The following HRH3 variants were observed in gnomAD, a reference collection of about 807,000 sequenced individuals.
HRH3 encodes histamine receptor H3.
HRH3 carries 13 observed loss-of-function variants against 21.6 expected under a neutral mutation model. The ratio of observed to expected loss-of-function variants is 0.60; its 90% CI spans 0.39 to 0.96. The LOEUF is 0.96. Ranked by LOEUF, HRH3 falls within the 40% of genes least tolerant of loss-of-function variation. The pLI, the probability that HRH3 is intolerant of heterozygous loss-of-function variation, is 0.00. For missense variants in HRH3, 461 were observed against 622.7 expected (o/e 0.74, Z 2.76); for synonymous variants, 276 against 290.3 (o/e 0.95, Z 0.50).
In HRH3 at chr20:62,215,897, C is replaced by A. The variant is rs1019147969; in HGVS notation, c.*109G>T. 13 of 1,101,194 alleles carry A rather than the reference C, an allele frequency of 1.2e-5. No individual in the cohort carries two copies. In the South Asian group the frequency reaches 1.6e-4, roughly 14 times the overall value. 68.2% of individuals were successfully genotyped at this position (1,101,194 alleles called of 1,614,324 possible). ...TGGCATTAAGAGAGGGCCACAGACA[C>A]GGCGGGGCTCACCCCTGGGGGAACG... On this transcript the variant is annotated 3_prime_UTR_variant, in exon 3 of 3. Coordinates refer to ENST00000340177, the MANE Select transcript of HRH3 (RefSeq NM_007232.3).
Position 62,218,715 on chromosome 20 carries a change from C to A in HRH3, c.251-58G>T. 1 of 1,556,178 alleles carries A rather than the reference C, an allele frequency of 6.4e-7. No homozygotes were observed. The highest frequency in any genetic ancestry group is 8.8e-7 in the Non-Finnish European group (1 of 1,140,404). On this transcript the variant is annotated intron_variant, in intron 1 of 2. Transcript: ENST00000340177. The surrounding 1 kb of genome is among the most constrained non-coding windows in gnomAD (Gnocchi z 5.6). Reference sequence around the variant, plus strand: ...AGCCAGGGGCCAGGGGACAGACGGACCTAAGCGCAGACACCGGCGGGACCT... The same window carrying A: ...AGCCAGGGGCCAGGGGACAGACGGAACTAAGCGCAGACACCGGCGGGACCT...
At position 62,216,424 on chromosome 20, in the gene HRH3, G is replaced by C; in HGVS notation, c.920C>G (p.Ser307Cys). The change falls in exon 3 of 3, where the codon TCC becomes TGC. Residue 307 changes from serine to cysteine, a missense_variant. Transcript: ENST00000340177. ...GGSVASPTSS[S>C]GSSSRGTERP... ...CTCAGTGCCCCTCGAGGAGCTGCCG[G>C]AGCTGGAGGTGGGTGAAGCCACGGA... 1 of 1,538,094 alleles carries C rather than the reference G, an allele frequency of 6.5e-7. No individual in the cohort carries two copies. The highest frequency in any genetic ancestry group is 8.8e-7 in the Non-Finnish European group (1 of 1,138,096).
Position 62,219,587 on chromosome 20 carries a change from C to T in HRH3, c.250+134G>A, listed in dbSNP as rs888466214. The T allele has an allele frequency of 1.6e-5, 18 of 1,147,572 alleles. No homozygotes were observed. Among genetic ancestry groups the T allele is most frequent in the Admixed American group, 6.3e-5 (2 of 31,796 alleles). 71.1% of individuals were successfully genotyped at this position (1,147,572 alleles called of 1,614,324 possible). A position where few individuals can be genotyped will look rare whatever the true frequency, so the allele number is the denominator to read the frequency against. On this transcript the variant is annotated intron_variant, in intron 1 of 2. Transcript: ENST00000340177. The surrounding 1 kb of genome is among the most constrained non-coding windows in gnomAD (Gnocchi z 8.7). ...TGCCCCCCACCCCATGGGCTCCGGA[C>T]GCCCCCTTCCCAGGCCGGGTCCCCT... is the stretch of plus-strand genomic sequence containing the variant.
rs768042321 is a variant in HRH3, at chr20:62,216,702, G to A, written c.642C>T (p.Val214=). The change falls in exon 3 of 3, where the codon GTC becomes GTT. Residue 214 remains valine, a synonymous_variant. Transcript: ENST00000340177. ...GGTAGATGCTGAGGTTAAAGAAGGT[G>A]ACGCTGAGGAAGGGCGTAAAGAACT... ...TLEFFTPFLS[V]TFFNLSIYLN... The A allele has an allele frequency of 1.9e-6, 3 of 1,613,160 alleles. No homozygotes were observed. Among genetic ancestry groups the A allele is most frequent in the Non-Finnish European group, 2.5e-6 (3 of 1,180,008 alleles).
At position 62,216,906 on chromosome 20, in the gene HRH3, C is replaced by T. The variant is rs2145888094; in HGVS notation, c.438G>A (p.Gln146=). The T allele has an allele frequency of 6.2e-7, 1 of 1,605,298 alleles. No homozygotes were observed. Among genetic ancestry groups the T allele is most frequent in the Admixed American group, 1.7e-5 (1 of 59,796 alleles). Residue 146 remains glutamine (Q), a synonymous_variant, in exon 3 of 3, where the codon CAG becomes CAA. Coordinates refer to ENST00000340177, the MANE Select transcript of HRH3 (RefSeq NM_007232.3). The part of the protein sequence containing the change: ...VTRAVSYRAQ[Q]GDTRRAVRKM... ...TCCGCACTGCCCGCCGCGTGTCACC[C>T]TGCTGGGCCCGGTATGAGACCTGCA...
chr20:62,217,999 G>A (rs142143637), intron 2 of HRH3, among the ~76,000 whole-genome samples: 7 of 152,322 alleles, frequency 4.6e-5, no homozygotes, highest in Non-Finnish European at 7.4e-5. Flanking sequence ...CTTCAGCAGC[G>A]GCTCCCTGGG....
Position 62,219,267 on chromosome 20 carries a change from G to C in HRH3, c.250+454C>G, listed in dbSNP as rs1161893881. ...CCGGCAGCAGAGCCTGGACACGTGA[G>C]AGCACGCTCCTCCGAGCGTCTCCCC... On this transcript the variant is annotated intron_variant, in intron 1 of 2. Coordinates refer to ENST00000340177, the MANE Select transcript of HRH3 (RefSeq NM_007232.3). The surrounding 1 kb of genome is among the most constrained non-coding windows in gnomAD (Gnocchi z 8.7). 6.8e-6 allele frequency among the ~76,000 whole-genome samples: 1 copy of C among 147,456 alleles called. No individual in the cohort carries two copies. Among genetic ancestry groups the C allele is most frequent in the East Asian group, 2.0e-4 (1 of 4,922 alleles).
In HRH3 at chr20:62,215,611, G is replaced by T; in HGVS notation, c.*395C>A. The T allele has an allele frequency of 2.6e-6, 1 of 385,914 alleles. No homozygotes were observed. Among genetic ancestry groups the T allele is most frequent in the Non-Finnish European group, 5.1e-6 (1 of 196,918 alleles). 23.9% of individuals were successfully genotyped at this position (385,914 alleles called of 1,614,324 possible). On this transcript the variant is annotated 3_prime_UTR_variant, in exon 3 of 3. Coordinates refer to ENST00000340177, the MANE Select transcript of HRH3 (RefSeq NM_007232.3). ...GTGCAGGTGTGTGCAGGGGTGTGCA[G>T]GTGTGTGCACGTGCAGAGGCAAACT... is the stretch of plus-strand genomic sequence containing the variant.
chr20:62,219,631 G>A lies in HRH3; in HGVS notation c.250+90C>T, dbSNP rs1978727172. On this transcript the variant is annotated intron_variant, in intron 1 of 2. Coordinates refer to ENST00000340177, the MANE Select transcript of HRH3 (RefSeq NM_007232.3). This position sits in a 1 kb window ranked among gnomAD's most constrained non-coding sequence, Gnocchi z 8.7. ...GTCCCCTGGTGGGGCGTGTGCCTGC[G>A]GGAGCCACCCAGGTCCGTGTTCCAG... 3.4e-6 allele frequency: 5 copies of A among 1,473,222 alleles called. No individual in the cohort carries two copies. The highest frequency in any genetic ancestry group is 4.5e-6 in the Non-Finnish European group (5 of 1,106,574). 91.3% of individuals were successfully genotyped at this position (1,473,222 alleles called of 1,614,324 possible).
chr20:62,217,389 C>T (rs970873998), intron 2 of HRH3, among the ~76,000 whole-genome samples: 1 of 152,210 alleles, frequency 6.6e-6, no homozygotes, highest in Non-Finnish European at 1.5e-5. Context: ...CACAGGTGCT[C>T]GCACCCCTGG....
At chr20:62,217,639 C>T (rs895155767) in intron 2 of HRH3, among the ~76,000 whole-genome samples, 1 of 152,094 alleles carries the variant, frequency 6.6e-6, no homozygotes. Flanking sequence ...ACCTGAGAGC[C>T]CCTGCCACCC....
intron 2 of HRH3, among the ~76,000 whole-genome samples, chr20:62,217,336 G>A (rs1312647600): frequency 2.0e-5 from 3 of 152,228 alleles, no homozygotes; most frequent in African/African-American, 7.2e-5. Flanking sequence ...AAAGGCCCGA[G>A]CCATCTGCAG....
Position 62,215,760 on chromosome 20 carries a change from C to A in HRH3, c.*246G>T. ...TGTCTGGGACCTCCAGACTGTCCCT[C>A]CCGGTGGAGCCAGAATGTGGGGGGC... On this transcript the variant is annotated 3_prime_UTR_variant, in exon 3 of 3. Coordinates refer to ENST00000340177, the MANE Select transcript of HRH3 (RefSeq NM_007232.3). 1 of 560,220 alleles carries A rather than the reference C, an allele frequency of 1.8e-6. No homozygotes were observed. The highest frequency in any genetic ancestry group is 3.1e-5 in the Admixed American group (1 of 32,518). The allele number at this position is 560,220 out of a possible 1,614,324, so 34.7% of individuals were successfully genotyped here.
chr20:62,216,150 G>A lies in HRH3; in HGVS notation c.1194C>T (p.Phe398=). ...CVPDYWYETS[F]WLLWANSAVN... ...CAGCCGAGTTGGCCCACAGGAGCCA[G>A]AAGGAGGTTTCGTACCAGTAGTCAG... is the stretch of plus-strand genomic sequence containing the variant. The change falls in exon 3 of 3, where the codon TTC becomes TTT. Residue 398 remains phenylalanine, a synonymous_variant. Coordinates refer to ENST00000340177, the MANE Select transcript of HRH3 (RefSeq NM_007232.3). 6.2e-7 allele frequency: 1 copy of A among 1,613,434 alleles called. No homozygotes were observed. Among genetic ancestry groups the A allele is most frequent in the South Asian group, 1.1e-5 (1 of 91,002 alleles).
At position 62,219,508 on chromosome 20, in the gene HRH3, G is replaced by T. The variant is rs574869151; in HGVS notation, c.250+213C>A. ...CCCAGTGCCCGTGTCCCTTCCCGGGGACATCTCTCCCCAGCCCCTGTCCCG... is the reference window on the plus strand; with the variant it reads ...CCCAGTGCCCGTGTCCCTTCCCGGGTACATCTCTCCCCAGCCCCTGTCCCG... On this transcript the variant is annotated intron_variant, in intron 1 of 2. Coordinates refer to ENST00000340177, the MANE Select transcript of HRH3 (RefSeq NM_007232.3). This position sits in a 1 kb window ranked among gnomAD's most constrained non-coding sequence, Gnocchi z 8.7. 2.8e-3 allele frequency among the ~76,000 whole-genome samples: 429 copies of T among 152,262 alleles called. No homozygotes were observed. Among genetic ancestry groups the T allele is most frequent in the Non-Finnish European group, 4.7e-3 (317 of 67,988 alleles).
rs1384684717 is a variant in HRH3, at chr20:62,219,364, C to G, written c.250+357G>C. Among the ~76,000 whole-genome samples, 2 of 151,834 alleles carry G rather than the reference C, an allele frequency of 1.3e-5. No individual in the cohort carries two copies. Among genetic ancestry groups the G allele is most frequent in the African/African-American group, 4.8e-5 (2 of 41,342 alleles). On this transcript the variant is annotated intron_variant, in intron 1 of 2. Coordinates refer to ENST00000340177, the MANE Select transcript of HRH3 (RefSeq NM_007232.3). The surrounding 1 kb of genome is among the most constrained non-coding windows in gnomAD (Gnocchi z 8.7). ...AATCCCCCTTCCATGTCCCCTCCCC[C>G]AGACCTTCTCTAAACCGCCCCACTG...
In HRH3 at chr20:62,218,372, GT is replaced by G; in HGVS notation, c.417+118del. On this transcript the variant is annotated intron_variant, in intron 2 of 2. Transcript: ENST00000340177. The surrounding 1 kb of genome is among the most constrained non-coding windows in gnomAD (Gnocchi z 5.6). ...GGCCCATGTGTCAGCAGCAAAGCCAGTGGGACCAAGCCCACTTCTGCCCACA... is the reference window on the plus strand; with the variant it reads ...GGCCCATGTGTCAGCAGCAAAGCCAGGGGACCAAGCCCACTTCTGCCCACA... 1 of 1,196,736 alleles carries G rather than the reference GT, an allele frequency of 8.4e-7. No homozygotes were observed. The highest frequency in any genetic ancestry group is 1.2e-6 in the Non-Finnish European group (1 of 866,484). The allele number at this position is 1,196,736 out of a possible 1,614,324, so 74.1% of individuals were successfully genotyped here.
chr20:62,215,169 G>C lies in HRH3; in HGVS notation c.*837C>G. The C allele has an allele frequency of 2.7e-6, 1 of 367,968 alleles. No individual in the cohort carries two copies. The highest frequency in any genetic ancestry group is 3.4e-5 in the Admixed American group (1 of 29,136). The allele number at this position is 367,968 out of a possible 1,614,324, so 22.8% of individuals were successfully genotyped here. On this transcript the variant is annotated 3_prime_UTR_variant, in exon 3 of 3. Coordinates refer to ENST00000340177, the MANE Select transcript of HRH3 (RefSeq NM_007232.3). Reference sequence around the variant, plus strand: ...CCCCCTCCTCCCAACAACCCCCAGAGGTCCTGGGTGAGCAAACAGAGTGGC... The same window carrying C: ...CCCCCTCCTCCCAACAACCCCCAGACGTCCTGGGTGAGCAAACAGAGTGGC...
rs1466564594 is a variant in HRH3, at chr20:62,216,020, G to A, written c.1324C>T (p.His442Tyr). 1 of 1,577,140 alleles carries A rather than the reference G, an allele frequency of 6.3e-7. No individual in the cohort carries two copies. Among genetic ancestry groups the A allele is most frequent in the Non-Finnish European group, 8.6e-7 (1 of 1,161,712 alleles). ...LKIQPHSSLE[H>Y]CWK Reference sequence around the variant, plus strand: ...TGGTGGGCCACTCACTTCCAGCAGTGCTCCAGGGAGCTGTGGGGCTGGATT... The same window carrying A: ...TGGTGGGCCACTCACTTCCAGCAGTACTCCAGGGAGCTGTGGGGCTGGATT... The change falls in exon 3 of 3, where the codon CAC becomes TAC. Residue 442 changes from histidine to tyrosine, a missense_variant. By Grantham distance (83) the His-to-Tyr change is moderately conservative. Coordinates refer to ENST00000340177, the MANE Select transcript of HRH3 (RefSeq NM_007232.3).
Sources: gnomAD v4.1 joint callset for allele counts (sites outside exome capture counted in the v4.1 genomes callset) on GRCh38, gnomAD v4.1.1 for gene constraint, Gnocchi (gnomAD v3.1) non-coding constraint, MANE v1.5 for transcripts, NCBI Gene and HGNC (gene_info 2026-07-23, HGNC 2026-07-21) for gene names.